FGF14: variants seen among roughly 807,000 people sequenced by gnomAD.
The protein encoded by FGF14 is fibroblast growth factor homologous factor 4.
A neutral mutation model predicts 25.5 loss-of-function variants in FGF14; 5 were observed. The ratio of observed to expected loss-of-function variants is 0.20; its 90% CI spans 0.10 to 0.41. The LOEUF (loss-of-function observed/expected upper bound fraction) is 0.41, where lower values mean the gene tolerates loss of function less well. Among genes scored for constraint, FGF14 ranks in the 10% least tolerant of loss-of-function variants. The pLI is 1.00. For missense variants in FGF14, 222 were observed against 320.1 expected (o/e 0.69, Z 2.34); for synonymous variants, 138 against 118.3 (o/e 1.17, Z -1.08).
At chr13:102,379,353 C>T (rs74357692) in intron 1 of FGF14, among the ~76,000 whole-genome samples, 1 of 151,702 alleles carries the variant, frequency 6.6e-6, no homozygotes, top group Non-Finnish European at 1.5e-5. Context: ...AGCAAAGGTA[C>T]ATATGTTTTA....
intron 1 of FGF14, among the ~76,000 whole-genome samples, chr13:101,884,819 C>T (rs2045905944): frequency 6.6e-6 from 1 of 151,560 alleles, no homozygotes; most frequent in Admixed American, 6.6e-5. Flanking sequence ...AGTTTAGGAT[C>T]CCTGTCTCCC....
chr13:102,196,800 G>A (rs1311746671), intron 1 of FGF14, among the ~76,000 whole-genome samples: 2 of 152,098 alleles, frequency 1.3e-5, no homozygotes, highest in East Asian at 1.9e-4. Flanking sequence ...CTGTCTACCA[G>A]AAACTTTGTA....
chr13:102,117,121 C>T (rs2045508857), intron 1 of FGF14, among the ~76,000 whole-genome samples: 1 of 152,228 alleles, frequency 6.6e-6, no homozygotes, highest in East Asian at 1.9e-4. Context: ...AGCTTCTTGT[C>T]TGCTTTTCTC....
At chr13:101,853,756 A>C (rs568584442) in intron 3 of FGF14, among the ~76,000 whole-genome samples, 2 of 152,204 alleles carry the variant, frequency 1.3e-5, no homozygotes, top group South Asian at 4.1e-4. Flanking sequence ...ATGCATGGCC[A>C]TATAAATATT....
At chr13:102,388,171 TAAG>T (rs1157956774) in intron 1 of FGF14, among the ~76,000 whole-genome samples, 1 of 152,220 alleles carries the variant, frequency 6.6e-6, no homozygotes, top group Non-Finnish European at 1.5e-5. Flanking sequence ...AAAATGCTGC[TAAG>T]AAGAGTATGT....
At chr13:101,976,652 C>A (rs371562385) in intron 1 of FGF14, among the ~76,000 whole-genome samples, 39 of 152,310 alleles carry the variant, frequency 2.6e-4, no homozygotes, top group African/African-American at 9.4e-4. Flanking sequence ...ATCTTAGAAT[C>A]AGATTGGACA....
intron 1 of FGF14, among the ~76,000 whole-genome samples, chr13:101,992,818 A>G (rs2038977285): frequency 6.6e-6 from 1 of 152,034 alleles, no homozygotes; most frequent in Non-Finnish European, 1.5e-5. Context: ...GTAAAACAGA[A>G]TATCCAGGAA....
chr13:102,033,325 G>A (rs924242951), intron 1 of FGF14, among the ~76,000 whole-genome samples: 4 of 152,096 alleles, frequency 2.6e-5, no homozygotes, highest in African/African-American at 4.8e-5. Flanking sequence ...AAATACAGTA[G>A]TTCTACAATA....
At chr13:101,880,963 G>A (rs1189859858) in intron 1 of FGF14, among the ~76,000 whole-genome samples, 1 of 152,082 alleles carries the variant, frequency 6.6e-6, no homozygotes, top group Non-Finnish European at 1.5e-5. Flanking sequence ...GTTTTGAAAC[G>A]GAAACACAAA....
At chr13:102,332,777 A>G (rs1180011620) in intron 1 of FGF14, among the ~76,000 whole-genome samples, 1 of 152,160 alleles carries the variant, frequency 6.6e-6, no homozygotes, top group Non-Finnish European at 1.5e-5. Flanking sequence ...CTTAACACTT[A>G]TAAAAGAAGA....
At position 101,898,247 on chromosome 13, in the gene FGF14, C is replaced by G. The variant is rs2031005157; in HGVS notation, c.193+18206G>C. ...AAACAGTAAGAATAGTGCAAATATT[C>G]AAAAATATTTTAAAAATCTGAAATC... On this transcript the variant is annotated intron_variant, in intron 1 of 4. Coordinates refer to ENST00000376143, the MANE Select transcript of FGF14 (RefSeq NM_004115.4). Among the ~76,000 whole-genome samples the G allele has an allele frequency of 2.0e-5, 3 of 151,434 alleles. No individual in the cohort carries two copies. In the South Asian group the frequency reaches 6.3e-4, roughly 32 times the overall value.
Position 101,946,934 on chromosome 13 carries a change from A to G in FGF14, c.209-71638T>C, listed in dbSNP as rs373727175. ...GTGAGGTTATTATATTTTTATATCTAGAGGAAGAACTCTTTAGTGCCCCGA... is the reference window on the plus strand; with the variant it reads ...GTGAGGTTATTATATTTTTATATCTGGAGGAAGAACTCTTTAGTGCCCCGA... On this transcript the variant is annotated intron_variant, in intron 1 of 4. Transcript: ENST00000376131. Among the ~76,000 whole-genome samples the G allele has an allele frequency of 4.6e-5, 7 of 152,304 alleles. No homozygotes were observed. In the East Asian group the frequency reaches 7.7e-4, roughly 17 times the overall value.
chr13:101,912,270 T>C (rs1317870022), intron 1 of FGF14, among the ~76,000 whole-genome samples: 1 of 152,124 alleles, frequency 6.6e-6, no homozygotes, highest in East Asian at 1.9e-4. Flanking sequence ...AGTTAAAATG[T>C]TAGTAAGAAG....
intron 1 of FGF14, among the ~76,000 whole-genome samples, chr13:102,020,655 G>A (rs952414188): frequency 2.6e-5 from 4 of 152,090 alleles, no homozygotes; most frequent in Non-Finnish European, 4.4e-5. Context: ...AATGGAACAG[G>A]ATTTTGGGTA....
At chr13:102,227,841 C>T (rs2050897191) in intron 1 of FGF14, among the ~76,000 whole-genome samples, 1 of 152,100 alleles carries the variant, frequency 6.6e-6, no homozygotes, top group African/African-American at 2.4e-5. Context: ...TGGGTACTTT[C>T]AATCAAGCAT....
intron 1 of FGF14, among the ~76,000 whole-genome samples, chr13:102,231,975 T>C (rs2051105109): frequency 6.6e-6 from 1 of 152,192 alleles, no homozygotes; most frequent in Non-Finnish European, 1.5e-5. Context: ...ATAGAGAAAA[T>C]AGCCTGAGAC....
intron 1 of FGF14, among the ~76,000 whole-genome samples, chr13:102,393,530 C>A (rs1357814333): frequency 6.6e-6 from 1 of 152,044 alleles, no homozygotes; most frequent in Non-Finnish European, 1.5e-5. Flanking sequence ...AAAGATTTTT[C>A]CCAATAGCAT....
intron 3 of FGF14, among the ~76,000 whole-genome samples, chr13:101,812,628 TATATATATATATATATATA>T (rs2041594318): frequency 9.8e-5 from 1 of 10,236 alleles, no homozygotes; most frequent in Non-Finnish European, 2.8e-4. Flanking sequence ...TATATATATA[TATATATATATATATATATA>T]TATATATTTT....
At chr13:102,294,011 G>A in intron 1 of FGF14, 1 of 152,104 alleles carries the variant, frequency 6.6e-6, no homozygotes, top group East Asian at 1.9e-4. Flanking sequence ...AGTATTCAGG[G>A]CTGGAGATGT....
Sources: gnomAD v4.1 joint callset for allele counts (sites outside exome capture counted in the v4.1 genomes callset) on GRCh38, gnomAD v4.1.1 for gene constraint, MANE v1.5 for transcripts, NCBI Gene and HGNC (gene_info 2026-07-23, HGNC 2026-07-21) for gene names.